The following ITM2B variants were observed in gnomAD, a reference collection of about 807,000 sequenced individuals.
The protein encoded by ITM2B is integral membrane protein 2B.
A neutral mutation model predicts 27.8 loss-of-function variants in ITM2B; 11 were observed. The observed-to-expected ratio is 0.40, with a 90% CI of 0.25 to 0.66. The LOEUF is 0.66. ITM2B is among the 30% of genes least tolerant of loss of function. ITM2B has a pLI of 0.43. For synonymous variants in ITM2B, 114 were observed against 114.3 expected, an observed-to-expected ratio of 1.00 and a Z score of 0.02; for missense variants, 296 against 328.9, an observed-to-expected ratio of 0.90 and a Z score of 0.77.
chr13:48,248,749 T>G (rs1012402077), intron 1 of ITM2B, among the ~76,000 whole-genome samples: 10 of 152,186 alleles, frequency 6.6e-5, no homozygotes, highest in Non-Finnish European at 1.3e-4. Context: ...TAAGAAAGTT[T>G]GTGAATTTCT....
At chr13:48,249,370 A>T (rs1226222291) in intron 1 of ITM2B, among the ~76,000 whole-genome samples, 1 of 152,152 alleles carries the variant, frequency 6.6e-6, no homozygotes, top group Non-Finnish European at 1.5e-5. Flanking sequence ...ACCACAATTT[A>T]TTCATCAGTT....
At chr13:48,250,212 T>C (rs1170852243) in intron 1 of ITM2B, among the ~76,000 whole-genome samples, 2 of 152,210 alleles carry the variant, frequency 1.3e-5, no homozygotes, top group Admixed American at 6.5e-5. Flanking sequence ...ATAGCCACAG[T>C]TTGTTTTACG....
intron 1 of ITM2B, among the ~76,000 whole-genome samples, chr13:48,251,289 T>C (rs35452389): frequency 0.022 from 3,288 of 152,332 alleles, 54 homozygotes; most frequent in Non-Finnish European, 0.035. Context: ...TCTGCTGAGG[T>C]AATGAGTATT....
chr13:48,258,246 T>A lies in ITM2B; in HGVS notation c.564+10T>A. The A allele has an allele frequency of 7.5e-7, 1 of 1,325,658 alleles. No individual in the cohort carries two copies. The highest frequency in any genetic ancestry group is 1.1e-6 in the Non-Finnish European group (1 of 917,136). 82.1% of individuals were successfully genotyped at this position (1,325,658 alleles called of 1,614,324 possible). A position where few individuals can be genotyped will look rare whatever the true frequency, so the allele number is the denominator to read the frequency against. ...ACTTATTAACATCAAGGTATAAGAATGTTGACTGTTTTTGATGAATGATGC... is the reference window on the plus strand; with the variant it reads ...ACTTATTAACATCAAGGTATAAGAAAGTTGACTGTTTTTGATGAATGATGC... On this transcript the variant is annotated intron_variant, in intron 4 of 5. Transcript: ENST00000647800.
chr13:48,250,915 CAA>C (rs1213955006), intron 1 of ITM2B, among the ~76,000 whole-genome samples: 1 of 152,142 alleles, frequency 6.6e-6, no homozygotes, highest in African/African-American at 2.4e-5. Context: ...TTTGGCTGAC[CAA>C]AGACTCTTGT....
chr13:48,237,946 TTTTTGGCAAACGTGGCA>T (rs1323945239), intron 1 of ITM2B, among the ~76,000 whole-genome samples: 4 of 152,204 alleles, frequency 2.6e-5, no homozygotes, highest in African/African-American at 9.6e-5. Context: ...CCTCTTAAAT[TTTTTGGCAAACGTGGCA>T]TTTTATTAGA....
At chr13:48,245,061 C>T (rs953058634) in intron 1 of ITM2B, among the ~76,000 whole-genome samples, 4 of 152,212 alleles carry the variant, frequency 2.6e-5, no homozygotes, top group African/African-American at 4.8e-5. Flanking sequence ...TGCAGTGGCT[C>T]ATGCCTGTAA....
chr13:48,241,316 A>G (rs181230601), intron 1 of ITM2B, among the ~76,000 whole-genome samples: 2 of 152,212 alleles, frequency 1.3e-5, no homozygotes, highest in East Asian at 3.9e-4. Flanking sequence ...GGTTCAAGTG[A>G]TTCTCCTGCC....
chr13:48,250,431 A>G (rs1951748558), intron 1 of ITM2B, among the ~76,000 whole-genome samples: 1 of 152,070 alleles, frequency 6.6e-6, no homozygotes, highest in Non-Finnish European at 1.5e-5. Flanking sequence ...CATCCTGGCT[A>G]CACGGTGAAA....
intron 1 of ITM2B, among the ~76,000 whole-genome samples, chr13:48,243,463 C>T (rs1951710412): frequency 6.6e-6 from 1 of 152,022 alleles, no homozygotes; most frequent in Admixed American, 6.6e-5. Context: ...ATATTACTGC[C>T]TTTGTAATAG....
intron 5 of ITM2B, among the ~76,000 whole-genome samples, chr13:48,259,957 G>T (rs1451572481): frequency 6.6e-6 from 1 of 151,970 alleles, no homozygotes; most frequent in Admixed American, 6.6e-5. Flanking sequence ...CCATCAACCT[G>T]TCACCAAATT....
chr13:48,238,748 G>A lies in ITM2B; in HGVS notation c.117+5271G>A, dbSNP rs111994608. On this transcript the variant is annotated intron_variant, in intron 1 of 5. Coordinates refer to ENST00000647800, the MANE Select transcript of ITM2B (RefSeq NM_021999.5). ...TGCATAAACCGTTTTTGGCATAGTT[G>A]AATTTCATACTTTAAAAAACAAGTT... Among the ~76,000 whole-genome samples, 42 of 152,170 alleles carry A rather than the reference G, an allele frequency of 2.8e-4. 2 individuals are homozygous for A. The highest frequency in any genetic ancestry group is 9.9e-4 in the African/African-American group (41 of 41,544).
At position 48,233,255 on chromosome 13, in the gene ITM2B, G is replaced by A. The variant is rs1353396615; in HGVS notation, c.-106G>A. Reference sequence around the variant, plus strand: ...GCTTCCCGAACCTCTTCAGCCGCCCGGAGCCGCTCCCGGAGCCCGGCCGTA... The same window carrying A: ...GCTTCCCGAACCTCTTCAGCCGCCCAGAGCCGCTCCCGGAGCCCGGCCGTA... On this transcript the variant is annotated 5_prime_UTR_variant, in exon 1 of 6. Transcript: ENST00000647800. 2 of 652,482 alleles carry A rather than the reference G, an allele frequency of 3.1e-6. No homozygotes were observed. Among genetic ancestry groups the A allele is most frequent in the Non-Finnish European group, 5.0e-6 (2 of 400,146 alleles). 40.4% of individuals were successfully genotyped at this position (652,482 alleles called of 1,614,324 possible).
At chr13:48,234,802 G>A (rs1951657661) in intron 1 of ITM2B, among the ~76,000 whole-genome samples, 1 of 152,154 alleles carries the variant, frequency 6.6e-6, no homozygotes, top group Admixed American at 6.5e-5. Flanking sequence ...AGGATTAAAG[G>A]TTTTGGTTTT....
chr13:48,250,401 C>T (rs1364897258), intron 1 of ITM2B, among the ~76,000 whole-genome samples: 2 of 152,060 alleles, frequency 1.3e-5, no homozygotes, highest in African/African-American at 2.4e-5. Flanking sequence ...GGGTGAATCA[C>T]GAGGTCAGGA....
intron 2 of ITM2B, among the ~76,000 whole-genome samples, chr13:48,254,740 A>G (rs1269124932): frequency 6.6e-6 from 1 of 152,016 alleles, no homozygotes; most frequent in Non-Finnish European, 1.5e-5. Context: ...GTTGTTCAAG[A>G]TAATCAATCA....
At chr13:48,235,641 A>G (rs1951664065) in intron 1 of ITM2B, among the ~76,000 whole-genome samples, 1 of 152,222 alleles carries the variant, frequency 6.6e-6, no homozygotes, top group South Asian at 2.1e-4. Context: ...CAGTGATTAC[A>G]TAATGTTCTC....
intron 2 of ITM2B, among the ~76,000 whole-genome samples, chr13:48,255,404 G>A (rs772009753): frequency 3.6e-4 from 55 of 152,066 alleles, no homozygotes; most frequent in Non-Finnish European, 7.8e-4. Context: ...CAATCCTCCC[G>A]CCTCAACCTC....
chr13:48,250,574 C>T (rs1174330243), intron 1 of ITM2B, among the ~76,000 whole-genome samples: 5 of 151,162 alleles, frequency 3.3e-5, no homozygotes, highest in African/African-American at 1.2e-4. Context: ...GCTGAGATCG[C>T]GCCACTGCAC....
Sources: gnomAD v4.1 joint callset for allele counts (sites outside exome capture counted in the v4.1 genomes callset) on GRCh38, gnomAD v4.1.1 for gene constraint, MANE v1.5 for transcripts, NCBI Gene and HGNC (gene_info 2026-07-23, HGNC 2026-07-21) for gene names.